The following ROS1 variants were observed in gnomAD, a reference collection of about 807,000 sequenced individuals.
ROS1 encodes the protein proto-oncogene tyrosine-protein kinase ROS.
A neutral mutation model predicts 273.5 loss-of-function variants in ROS1; 263 were observed. That is an observed-to-expected ratio of 0.96 (90% confidence interval 0.87 to 1.06). The LOEUF is 1.06. Ranked by LOEUF, ROS1 falls within the 50% of genes least tolerant of loss-of-function variation. ROS1 has a pLI of 0.00. For missense variants in ROS1, 2,833 were observed against 2,751.1 expected (o/e 1.03, Z -0.67); for synonymous variants, 1,008 against 954.1 (o/e 1.06, Z -1.04).
At position 117,320,769 on chromosome 6, in the gene ROS1, C is replaced by G. The variant is rs1382918719; in HGVS notation, c.5759+490G>C. Among the ~76,000 whole-genome samples the G allele has an allele frequency of 2.0e-5, 3 of 152,034 alleles. No individual in the cohort carries two copies. The South Asian group carries it at 6.2e-4, about 32-fold the overall frequency. ...TTGCATAGATCCTAATATAATGAAC[C>G]TTTGCATAAGACACTTGAATATTTT... On this transcript the variant is annotated intron_variant, in intron 36 of 43. Coordinates refer to ENST00000368507, the MANE Select transcript of ROS1 (RefSeq NM_001378902.1).
intron 7 of ROS1, among the ~76,000 whole-genome samples, chr6:117,398,970 TAAAA>T (rs75429700): frequency 1.5e-5 from 2 of 134,554 alleles, no homozygotes; most frequent in Non-Finnish European, 1.6e-5. Flanking sequence ...GACTCTGTCT[TAAAA>T]AAAAAAAAAA....
intron 43 of ROS1, among the ~76,000 whole-genome samples, chr6:117,300,569 TAAAC>T (rs1265244435): frequency 1.8e-4 from 28 of 152,034 alleles, no homozygotes; most frequent in Admixed American, 1.8e-3. Flanking sequence ...ATAAAATGGC[TAAAC>T]AAACAAACAA....
chr6:117,330,843 A>G (rs1263877364), intron 32 of ROS1, among the ~76,000 whole-genome samples: 1 of 152,196 alleles, frequency 6.6e-6, no homozygotes, highest in East Asian at 1.9e-4. Flanking sequence ...AAGGGTCAGC[A>G]GCCTCAAAGA....
At chr6:117,411,121 A>T (rs1774868777) in intron 4 of ROS1, among the ~76,000 whole-genome samples, 1 of 152,042 alleles carries the variant, frequency 6.6e-6, no homozygotes, top group Non-Finnish European at 1.5e-5. Context: ...TTTTTCTGAT[A>T]TTTTCAGGGG....
At position 117,356,603 on chromosome 6, in the gene ROS1, T is replaced by C. The variant is rs372314406; in HGVS notation, c.4126+26A>G. The C allele has an allele frequency of 2.6e-5, 41 of 1,588,980 alleles. No homozygotes were observed. In the African/African-American group the frequency reaches 4.8e-4, roughly 19 times the overall value. On this transcript the variant is annotated intron_variant, in intron 26 of 43. Coordinates refer to ENST00000368507, the MANE Select transcript of ROS1 (RefSeq NM_001378902.1). ...AAGGGGCTGCTCTTATTAACAAATA[T>C]CTGTGCACATACATCAGCATCTTAC...
chr6:117,380,406 T>A (rs529348554), intron 17 of ROS1, among the ~76,000 whole-genome samples: 3 of 152,162 alleles, frequency 2.0e-5, no homozygotes, highest in South Asian at 4.1e-4. Flanking sequence ...TTCAACCAAC[T>A]TATTCTCCAG....
intron 35 of ROS1, among the ~76,000 whole-genome samples, chr6:117,323,770 T>C (rs991477026): frequency 4.6e-5 from 7 of 152,112 alleles, no homozygotes; most frequent in Non-Finnish European, 8.8e-5. Flanking sequence ...TTTTCTGCCT[T>C]CCTGGTCATT....
At position 117,342,445 on chromosome 6, in the gene ROS1, G is replaced by A. The variant is rs1459609360; in HGVS notation, c.4606C>T (p.His1536Tyr). The A allele has an allele frequency of 6.2e-7, 1 of 1,611,424 alleles. No homozygotes were observed. Among genetic ancestry groups the A allele is most frequent in the Non-Finnish European group, 8.5e-7 (1 of 1,178,634 alleles). The change falls in exon 29 of 44, where the codon CAT becomes TAT. Residue 1536 changes from histidine to tyrosine, a missense_variant. By Grantham distance (83) the His-to-Tyr change is moderately conservative. Coordinates refer to ENST00000368507, the MANE Select transcript of ROS1 (RefSeq NM_001378902.1). ...CAAATCTCTTTTCCTGGTGGTAAAT[G>A]TTCCAAAGGATCTGAATAATAATTT... ...VKNYYSDPLE[H>Y]LPPGKEIWGK...
rs1773520845 is a variant in ROS1 at position 117,287,445 on chromosome 6, A to G, written c.*1047T>C. Among the ~76,000 whole-genome samples, 1 of 152,246 alleles carries G rather than the reference A, an allele frequency of 6.6e-6. No homozygotes were observed. Among genetic ancestry groups the G allele is most frequent in the Non-Finnish European group, 1.5e-5 (1 of 68,050 alleles). On this transcript the variant is annotated 3_prime_UTR_variant, in exon 44 of 44. Transcript: ENST00000368507. ...TTTATACATAAAATAGATATGGCAA[A>G]TAGCAATCTTTATACTAGTTAATTT... is the stretch of plus-strand genomic sequence containing the variant.
Position 117,301,133 on chromosome 6 carries a change from T to C in ROS1, c.6556A>G (p.Asn2186Asp). The change falls in exon 43 of 44, where the codon AAT (asparagine) becomes GAT (aspartate). Residue 2186 changes from asparagine to aspartate, a missense_variant. Asn to Asp is a conservative substitution (Grantham distance 23, BLOSUM62 1). Coordinates refer to ENST00000368507, the MANE Select transcript of ROS1 (RefSeq NM_001378902.1). ...TGAGCCCAGCACTGGGTCATTAAAT[T>C]CCACCTAAATATATGGGGAAAGATG... ...PPRNCPDDLWNLMTQCWAQEP... is the reference protein window; with the variant it reads ...PPRNCPDDLWDLMTQCWAQEP... 1 of 1,582,908 alleles carries C rather than the reference T, an allele frequency of 6.3e-7. No individual in the cohort carries two copies. The highest frequency in any genetic ancestry group is 8.5e-7 in the Non-Finnish European group (1 of 1,169,610).
intron 7 of ROS1, among the ~76,000 whole-genome samples, chr6:117,400,259 A>G (rs1168151753): frequency 1.3e-5 from 2 of 152,220 alleles, no homozygotes; most frequent in South Asian, 2.1e-4. Context: ...AGAAATAAAT[A>G]CTTCCCTCCT....
At position 117,288,378 on chromosome 6, in the gene ROS1, T is replaced by C; in HGVS notation, c.*114A>G. 1 of 981,394 alleles carries C rather than the reference T, an allele frequency of 1.0e-6. No individual in the cohort carries two copies. Among genetic ancestry groups the C allele is most frequent in the Non-Finnish European group, 1.5e-6 (1 of 663,062 alleles). The allele number at this position is 981,394 out of a possible 1,614,324, so 60.8% of individuals were successfully genotyped here. On this transcript the variant is annotated 3_prime_UTR_variant, in exon 44 of 44. Coordinates refer to ENST00000368507, the MANE Select transcript of ROS1 (RefSeq NM_001378902.1). Reference sequence around the variant, plus strand: ...AAGATTAGAAATCAGGAACGTTGCATTGTTTATTTGGAGTTATAGACCACC... The same window carrying C: ...AAGATTAGAAATCAGGAACGTTGCACTGTTTATTTGGAGTTATAGACCACC...
intron 2 of ROS1, among the ~76,000 whole-genome samples, chr6:117,417,928 G>A (rs775713105): frequency 6.6e-6 from 1 of 152,130 alleles, no homozygotes; most frequent in Non-Finnish European, 1.5e-5. Context: ...TGATGATGCT[G>A]TCTGGCCATA....
chr6:117,373,070 C>T (rs1036452563), intron 18 of ROS1, among the ~76,000 whole-genome samples: 1 of 152,150 alleles, frequency 6.6e-6, no homozygotes, highest in South Asian at 2.1e-4. Flanking sequence ...TAAAAGTTCT[C>T]CAAGTCCCTA....
chr6:117,341,070 T>C, intron 31 of ROS1, 65 bp downstream of exon 31: 1 of 991,926 alleles, frequency 1.0e-6, no homozygotes, highest in Non-Finnish European at 1.5e-6. Flanking sequence ...ATGTTCTAGA[T>C]GCATGAAAAA....
chr6:117,360,172 T>C (rs1779671293), intron 23 of ROS1, among the ~76,000 whole-genome samples, 161 bp from the exon 24 acceptor site: 1 of 151,934 alleles, frequency 6.6e-6, no homozygotes, highest in African/African-American at 2.4e-5. Context: ...TACCCCTAGG[T>C]TTATTTAAAC....
chr6:117,288,471 T>C lies in ROS1; in HGVS notation c.*21A>G, dbSNP rs748762560. 2 of 1,585,016 alleles carry C rather than the reference T, an allele frequency of 1.3e-6. No homozygotes were observed. Among genetic ancestry groups the C allele is most frequent in the African/African-American group, 1.4e-5 (1 of 73,716 alleles). ...TGAATGAGAGTGTTTATCTCAACTC[T>C]CTATTTCCCAAACAACGCTATTAAT... On this transcript the variant is annotated 3_prime_UTR_variant, in exon 44 of 44. Transcript: ENST00000368507.
chr6:117,319,861 A>C lies in ROS1; in HGVS notation c.5922+7T>G. On this transcript the variant is annotated splice_region_variant and intron_variant, in intron 37 of 43. Coordinates refer to ENST00000368507, the MANE Select transcript of ROS1 (RefSeq NM_001378902.1). ...AATGTGTCAAGGAGTTCGAAGATTC[A>C]CATTACCTTCACTGCTACTTTGATT... 6.2e-7 allele frequency: 1 copy of C among 1,611,780 alleles called. No homozygotes were observed. Among genetic ancestry groups the C allele is most frequent in the South Asian group, 1.1e-5 (1 of 90,938 alleles).
At chr6:117,298,124 A>C (rs1225957053) in intron 43 of ROS1, among the ~76,000 whole-genome samples, 1 of 152,180 alleles carries the variant, frequency 6.6e-6, no homozygotes, top group Non-Finnish European at 1.5e-5. Context: ...ACACAGAAAG[A>C]AATATCACAT....
Sources: gnomAD v4.1 joint callset for allele counts (sites outside exome capture counted in the v4.1 genomes callset) on GRCh38, gnomAD v4.1.1 for gene constraint, MANE v1.5 for transcripts, NCBI Gene and HGNC (gene_info 2026-07-23, HGNC 2026-07-21) for gene names.